Variants in BAALC observed in about 807,000 individuals in gnomAD.
BAALC encodes brain and acute leukemia cytoplasmic protein.
Under a neutral mutation model 15.5 loss-of-function variants are expected in BAALC, and 9 were observed. The observed-to-expected ratio is 0.58, with a 90% confidence interval of 0.35 to 1.02. The LOEUF (loss-of-function observed/expected upper bound fraction) is 1.02, where lower values mean the gene tolerates loss of function less well. Among genes scored for constraint, BAALC ranks in the 50% least tolerant of loss-of-function variants. The pLI is 0.02. For synonymous variants in BAALC, 80 were observed against 74.6 expected (o/e 1.07, Z -0.37); for missense variants, 201 against 192.4 (o/e 1.04, Z -0.27).
rs190158401 is a variant in BAALC, at chr8:103,218,522, C to A, written c.327+5437C>A. On this transcript the variant is annotated intron_variant, in intron 2 of 2. Transcript: ENST00000309982. ...TGCCTCCAAACATTTACTCTCTAAC[C>A]TGAATGTGCCATTTCCTTAGGCTTA... Among the ~76,000 whole-genome samples, 5 of 152,236 alleles carry A rather than the reference C, an allele frequency of 3.3e-5. No individual in the cohort carries two copies. The East Asian group carries it at 9.7e-4, about 29-fold the overall frequency.
At chr8:103,193,159 T>C in intron 1 of BAALC, among the ~76,000 whole-genome samples, 1 of 152,224 alleles carries the variant, frequency 6.6e-6, no homozygotes, top group Non-Finnish European at 1.5e-5. Flanking sequence ...AGAAAGAGCT[T>C]GTGAACATTA....
chr8:103,200,557 C>A, intron 1 of BAALC: 1 of 454,034 alleles, frequency 2.2e-6, no homozygotes, highest in South Asian at 6.2e-5. Context: ...ATAATTCAAC[C>A]AAAGAGTAAA....
chr8:103,221,543 TA>T (rs1378810450), intron 2 of BAALC, among the ~76,000 whole-genome samples: 1 of 151,994 alleles, frequency 6.6e-6, no homozygotes, highest in Non-Finnish European at 1.5e-5. Context: ...GGGGTGATGT[TA>T]AAAAAGGTTT....
chr8:103,204,506 T>C (rs115156318), intron 1 of BAALC, among the ~76,000 whole-genome samples: 2 of 152,232 alleles, frequency 1.3e-5, no homozygotes, highest in Non-Finnish European at 2.9e-5. Context: ...TCCAAGGTCA[T>C]GAAGACTTAC....
intron 1 of BAALC, 131 bp from the exon 2 acceptor site, chr8:103,212,788 C>T (rs1812476543): frequency 2.3e-6 from 2 of 856,916 alleles, no homozygotes; most frequent in Non-Finnish European, 3.5e-6. Flanking sequence ...AAAAGGGTAG[C>T]TCTGCATGGT....
At chr8:103,157,659 T>A (rs572877866) in intron 1 of BAALC, among the ~76,000 whole-genome samples, 5 of 152,078 alleles carry the variant, frequency 3.3e-5, no homozygotes, top group African/African-American at 4.8e-5. Context: ...AAATTATTTT[T>A]AAAAAATTAG....
At chr8:103,175,457 C>A (rs567315566) in intron 1 of BAALC, among the ~76,000 whole-genome samples, 5 of 152,130 alleles carry the variant, frequency 3.3e-5, no homozygotes, top group Non-Finnish European at 7.3e-5. Flanking sequence ...TGACATGATT[C>A]CTCTCTTTCC....
At chr8:103,175,561 A>C (rs1489325994) in intron 1 of BAALC, among the ~76,000 whole-genome samples, 1 of 152,216 alleles carries the variant, frequency 6.6e-6, no homozygotes, top group African/African-American at 2.4e-5. Context: ...TTACTTCAGC[A>C]ATTTGGAAGT....
chr8:103,156,527 AC>A (rs1415044782), intron 1 of BAALC, among the ~76,000 whole-genome samples: 1 of 152,128 alleles, frequency 6.6e-6, no homozygotes, highest in African/African-American at 2.4e-5. Flanking sequence ...AGCACAGGTC[AC>A]TGTTGATTTA....
At position 103,143,173 on chromosome 8, in the gene BAALC, T is replaced by A. The variant is rs145948099; in HGVS notation, c.160+2116T>A. On this transcript the variant is annotated intron_variant, in intron 1 of 2. Transcript: ENST00000309982. ...GTGGGTTTTTCAGACTGGGAGCTGG[T>A]CATCTTTAGTCAGAATGGGTCATCC... 7.9e-5 allele frequency among the ~76,000 whole-genome samples: 12 copies of A among 152,240 alleles called. No homozygotes were observed. The East Asian group carries it at 2.3e-3, about 29-fold the overall frequency.
intron 1 of BAALC, among the ~76,000 whole-genome samples, chr8:103,157,644 T>C (rs1811127180): frequency 6.6e-6 from 1 of 152,020 alleles, no homozygotes; most frequent in African/African-American, 2.4e-5. Context: ...CTCATCTCTA[T>C]AAAAAAATTA....
chr8:103,222,200 G>A (rs374920754), intron 2 of BAALC, among the ~76,000 whole-genome samples: 2 of 152,132 alleles, frequency 1.3e-5, no homozygotes, highest in East Asian at 3.8e-4. Context: ...GAGAGAGCAG[G>A]TTGTAAATTT....
intron 1 of BAALC, chr8:103,198,176 C>A (rs1563650950): frequency 2.9e-6 from 2 of 696,096 alleles, no homozygotes; most frequent in African/African-American, 1.8e-5. Context: ...AAAGGTAGGA[C>A]TTTTTTTTGT....
rs768764886 is a variant in BAALC, at chr8:103,227,986, C to G, written c.328-3C>G. ...ACTCAATTCACTGTTTTCAACTTAA[C>G]AGGCTAAAAGAGATGCTAAGAGAAT... On this transcript the variant is annotated splice_polypyrimidine_tract_variant and splice_region_variant and intron_variant, in intron 2 of 2. Transcript: ENST00000309982. 14 of 1,602,108 alleles carry G rather than the reference C, an allele frequency of 8.7e-6. No homozygotes were observed. The highest frequency in any genetic ancestry group is 1.2e-5 in the Non-Finnish European group (14 of 1,170,532).
rs750553121 is a variant in BAALC at position 103,140,959 on chromosome 8, G to A, written c.62G>A (p.Arg21Gln). The A allele has an allele frequency of 6.5e-6, 10 of 1,541,300 alleles. No individual in the cohort carries two copies. The African/African-American group carries it at 8.5e-5, about 13-fold the overall frequency. The change falls in exon 1 of 3, where the codon CGG (arginine) becomes CAG (glutamine). Residue 21 changes from arginine (R) to glutamine (Q), a missense_variant. By Grantham distance (43) the Arg-to-Gln change is conservative (BLOSUM62 1). Transcript: ENST00000309982. The surrounding 1 kb of genome is among the most constrained non-coding windows in gnomAD (Gnocchi z 4.2). ...CCCCGCTACTACGAGAGCTGGACCC[G>A]GGAGACAGAATCCACCTGGCTCACC... ...IEPRYYESWT[R>Q]ETESTWLTYT...
At chr8:103,175,746 C>T (rs1053996461) in intron 1 of BAALC, among the ~76,000 whole-genome samples, 2 of 152,224 alleles carry the variant, frequency 1.3e-5, no homozygotes, top group African/African-American at 4.8e-5. Context: ...GCTCGAACCC[C>T]AAGGTGGCTT....
chr8:103,169,066 C>A (rs1179186820), intron 1 of BAALC, among the ~76,000 whole-genome samples: 1 of 151,910 alleles, frequency 6.6e-6, no homozygotes, highest in Non-Finnish European at 1.5e-5. Context: ...AATCTCATAG[C>A]CTTCAATTAT....
At chr8:103,200,683 C>A in intron 1 of BAALC, 1 of 698,838 alleles carries the variant, frequency 1.4e-6, no homozygotes, top group Non-Finnish European at 2.6e-6. Flanking sequence ...AGTCCAAGAT[C>A]AAGGCACCAA....
chr8:103,209,345 C>G (rs189702252), intron 1 of BAALC, among the ~76,000 whole-genome samples: 45 of 152,222 alleles, frequency 3.0e-4, no homozygotes, highest in Non-Finnish European at 1.5e-4. Flanking sequence ...GCACTCCACC[C>G]TGGGCAACAG....
Sources: gnomAD v4.1 joint callset for allele counts (sites outside exome capture counted in the v4.1 genomes callset) on GRCh38, gnomAD v4.1.1 for gene constraint, Gnocchi (gnomAD v3.1) non-coding constraint, MANE v1.5 for transcripts, NCBI Gene and HGNC (gene_info 2026-07-23, HGNC 2026-07-21) for gene names.